ANKRD11: variants seen among roughly 807,000 people sequenced by gnomAD.
ANKRD11 encodes the protein ankyrin repeat domain-containing protein 11.
ANKRD11 carries 17 observed loss-of-function variants against 195.7 expected under a neutral mutation model. That is an observed-to-expected ratio of 0.09 (90% confidence interval 0.06 to 0.13). ANKRD11 has a LOEUF of 0.13. Among genes scored for constraint, ANKRD11 ranks in the 10% least tolerant of loss-of-function variants. The pLI, the probability that ANKRD11 is intolerant of heterozygous loss-of-function variation, is 1.00. For missense variants in ANKRD11, 3,735 were observed against 3,566.1 expected (o/e 1.05, Z -1.21); for synonymous variants, 1,953 against 1,528.1 (o/e 1.28, Z -6.49).
chr16:89,409,233 G>T (rs949763573), intron 2 of ANKRD11, among the ~76,000 whole-genome samples: 10 of 152,160 alleles, frequency 6.6e-5, no homozygotes, highest in Non-Finnish European at 1.5e-5. Flanking sequence ...AATTCCACCC[G>T]CCTCCACAGG....
chr16:89,348,997 G>C (rs1465725078), intron 2 of ANKRD11, among the ~76,000 whole-genome samples: 1 of 151,178 alleles, frequency 6.6e-6, no homozygotes, highest in African/African-American at 2.4e-5. Context: ...GAGTAGTAGA[G>C]CGCACTTGTA....
rs532617158 is a variant in ANKRD11 at position 89,374,873 on chromosome 16, T to C, written c.-60+43411A>G. On this transcript the variant is annotated intron_variant, in intron 2 of 12. Transcript: ENST00000301030. ...TTCAACAAATACACTGAAAAACTTA[T>C]TAGAGATTTGTGACCATTTGGAAAG... 8.5e-5 allele frequency among the ~76,000 whole-genome samples: 13 copies of C among 152,222 alleles called. No homozygotes were observed. In the South Asian group the frequency reaches 1.9e-3, roughly 22 times the overall value.
intron 3 of ANKRD11, among the ~76,000 whole-genome samples, chr16:89,313,825 C>G (rs998217427): frequency 6.6e-6 from 1 of 152,182 alleles, no homozygotes; most frequent in Admixed American, 6.5e-5. Flanking sequence ...ACTGTTCAAG[C>G]TAAGAAAGCT....
intron 2 of ANKRD11, among the ~76,000 whole-genome samples, chr16:89,409,575 A>G (rs1369671850): frequency 1.3e-5 from 2 of 152,152 alleles, no homozygotes; most frequent in Admixed American, 6.5e-5. Context: ...CAGCGTTGGG[A>G]GGCAGAGGAG....
At chr16:89,415,635 C>CT (rs2042269673) in intron 2 of ANKRD11, among the ~76,000 whole-genome samples, 1 of 151,114 alleles carries the variant, frequency 6.6e-6, no homozygotes, top group South Asian at 2.1e-4. Flanking sequence ...CAAGACCAGC[C>CT]TGGCCAACAC....
intron 2 of ANKRD11, among the ~76,000 whole-genome samples, chr16:89,397,138 C>A (rs1247339803): frequency 6.6e-6 from 1 of 152,086 alleles, no homozygotes; most frequent in Non-Finnish European, 1.5e-5. Flanking sequence ...CTGGCAAATG[C>A]CAGCAGACAT....
chr16:89,329,598 T>A (rs1236358818), intron 2 of ANKRD11, among the ~76,000 whole-genome samples: 4 of 145,660 alleles, frequency 2.7e-5, no homozygotes, highest in East Asian at 2.0e-4. Flanking sequence ...CAGAAAAAAA[T>A]TTTAATTCCC....
chr16:89,313,184 G>C lies in ANKRD11; in HGVS notation c.87+3749C>G, dbSNP rs190448186. 16 of 943,268 alleles carry C rather than the reference G, an allele frequency of 1.7e-5. No homozygotes were observed. In the Admixed American group the frequency reaches 4.6e-4, roughly 27 times the overall value. The allele number at this position is 943,268 out of a possible 1,614,324, so 58.4% of individuals were successfully genotyped here. On this transcript the variant is annotated intron_variant, in intron 3 of 12. Coordinates refer to ENST00000301030, the MANE Select transcript of ANKRD11 (RefSeq NM_013275.6). ...TTTGAGAACCACCAAGTGAAGCTCA[G>C]GGGGCTGTGAGGCTGCCTGTGCTCT... is the stretch of plus-strand genomic sequence containing the variant.
intron 1 of ANKRD11, among the ~76,000 whole-genome samples, chr16:89,477,856 T>C (rs879843108): frequency 4.6e-5 from 7 of 151,936 alleles, no homozygotes; most frequent in African/African-American, 1.2e-4. Flanking sequence ...GGAGAACTGC[T>C]TGAATGCAGG....
chr16:89,442,030 G>C (rs1406352445), intron 1 of ANKRD11, among the ~76,000 whole-genome samples: 2 of 152,188 alleles, frequency 1.3e-5, no homozygotes, highest in African/African-American at 4.8e-5. Flanking sequence ...GGTTAGCTGT[G>C]ACTAAGATCC....
chr16:89,330,784 A>G lies in ANKRD11; in HGVS notation c.-59-13706T>C, dbSNP rs1026423617. 6.6e-5 allele frequency among the ~76,000 whole-genome samples: 10 copies of G among 151,742 alleles called. No homozygotes were observed. In the East Asian group the frequency reaches 1.4e-3, roughly 21 times the overall value. ...TTCCAACCTCTAGCCCACACTCTGC[A>G]GAGAACGGTGCTCCACTTCTGAAGG... On this transcript the variant is annotated intron_variant, in intron 2 of 12. Transcript: ENST00000301030.
chr16:89,455,755 G>C (rs1212291662), intron 1 of ANKRD11, among the ~76,000 whole-genome samples: 2 of 152,090 alleles, frequency 1.3e-5, no homozygotes, highest in African/African-American at 2.4e-5. Context: ...AAAGAATTGG[G>C]GCTGTACATT....
At chr16:89,307,714 G>C (rs541916558) in intron 3 of ANKRD11, among the ~76,000 whole-genome samples, 2 of 152,368 alleles carry the variant, frequency 1.3e-5, no homozygotes, top group African/African-American at 4.8e-5. Context: ...TGGCCCCCTC[G>C]GAGTGCAGTC....
At chr16:89,483,726 G>A (rs1452796881) in intron 1 of ANKRD11, among the ~76,000 whole-genome samples, 28 of 151,828 alleles carry the variant, frequency 1.8e-4, no homozygotes, top group Non-Finnish European at 2.9e-5. Context: ...TACTCGGGAA[G>A]ATGAGGTAGG....
Position 89,477,914 on chromosome 16 carries a change from C to T in ANKRD11, c.-145+12331G>A, listed in dbSNP as rs1475155154. Among the ~76,000 whole-genome samples, 4 of 152,006 alleles carry T rather than the reference C, an allele frequency of 2.6e-5. No homozygotes were observed. In the East Asian group the frequency reaches 5.9e-4, roughly 22 times the overall value. On this transcript the variant is annotated intron_variant, in intron 1 of 12. Transcript: ENST00000301030. The stretch of plus-strand genomic sequence containing the variant: ...CGAAGGTTTCAGTGAGCCAAGATCA[C>T]GCCACTGCACTCCAGTCTGGGGACA...
At chr16:89,384,998 G>A (rs924703371) in intron 2 of ANKRD11, among the ~76,000 whole-genome samples, 1 of 138,058 alleles carries the variant, frequency 7.2e-6, no homozygotes, top group Non-Finnish European at 1.5e-5. Context: ...TGATTCTCCT[G>A]ACTCAGCCTC....
intron 7 of ANKRD11, chr16:89,287,946 A>G (rs2034764343): frequency 2.2e-6 from 1 of 449,152 alleles, no homozygotes; most frequent in South Asian, 5.9e-5. Context: ...TGATGAAGAC[A>G]TCAGTGAGAC....
chr16:89,280,863 G>A lies in ANKRD11; in HGVS notation c.5679C>T (p.Ser1893=), dbSNP rs776370290. The change falls in exon 9 of 13, where the codon TCC becomes TCT. Residue 1893 remains serine, a synonymous_variant. Transcript: ENST00000301030. ...FSSLQAKPSP[S]PRAELLVPSL... is the part of the protein sequence containing the mutation. ...AAGGAACCAGCAGCTCGGCTCTGGGGGAAGGGGAAGGTTTTGCTTGTAAAC... is the reference window on the plus strand; with the variant it reads ...AAGGAACCAGCAGCTCGGCTCTGGGAGAAGGGGAAGGTTTTGCTTGTAAAC... 8 of 1,604,748 alleles carry A rather than the reference G, an allele frequency of 5.0e-6. No homozygotes were observed. The highest frequency in any genetic ancestry group is 6.8e-6 in the Non-Finnish European group (8 of 1,173,138).
chr16:89,324,062 G>GGGTGGTCTCCATCTCTTGACCTC, intron 2 of ANKRD11: 1 of 265,912 alleles, frequency 3.8e-6, no homozygotes, highest in Non-Finnish European at 7.2e-6. Flanking sequence ...ATGTTGGCCA[G>GGGTGGTCTCCATCTCTTGACCTC]GGTGGTCTCC....
Sources: gnomAD v4.1 joint callset for allele counts (sites outside exome capture counted in the v4.1 genomes callset) on GRCh38, gnomAD v4.1.1 for gene constraint, MANE v1.5 for transcripts, NCBI Gene and HGNC (gene_info 2026-07-23, HGNC 2026-07-21) for gene names.